PDSS2: variants seen among roughly 807,000 people sequenced by gnomAD.
PDSS2 encodes the protein all trans-polyprenyl-diphosphate synthase PDSS2.
A neutral mutation model predicts 44.5 loss-of-function variants in PDSS2; 31 were observed. The observed-to-expected ratio is 0.70, with a 90% CI of 0.52 to 0.94. PDSS2 has a LOEUF of 0.94. Ranked by LOEUF, PDSS2 falls within the 40% of genes least tolerant of loss-of-function variation. The pLI is 0.00. For synonymous variants in PDSS2, 157 were observed against 180.3 expected (o/e 0.87, Z 1.03); for missense variants, 452 against 482.2 (o/e 0.94, Z 0.59).
At chr6:107,330,197 A>G (rs959887487) in intron 2 of PDSS2, among the ~76,000 whole-genome samples, 2 of 152,178 alleles carry the variant, frequency 1.3e-5, no homozygotes, top group African/African-American at 2.4e-5. Flanking sequence ...CACTTCCCAG[A>G]TCATCTGCTT....
intron 6 of PDSS2, among the ~76,000 whole-genome samples, chr6:107,198,800 TAACAACAACAAC>T (rs35128756): frequency 1.2e-4 from 18 of 149,408 alleles, no homozygotes; most frequent in African/African-American, 3.2e-4. Flanking sequence ...CTACAAACAA[TAACAACAACAAC>T]AACAACAACA....
In PDSS2 at chr6:107,179,404, C is replaced by T. The variant is rs572403798; in HGVS notation, c.1041+14418G>A. On this transcript the variant is annotated intron_variant, in intron 7 of 7. Coordinates refer to ENST00000369037, the MANE Select transcript of PDSS2 (RefSeq NM_020381.4). ...CAAGCGATTCTCCTGCCTCTGCCTC[C>T]TGAATAGCTGGGATTATAGGTGCCC... 1.1e-4 allele frequency among the ~76,000 whole-genome samples: 16 copies of T among 152,142 alleles called. No individual in the cohort carries two copies. The South Asian group carries it at 3.3e-3, about 32-fold the overall frequency.
intron 1 of PDSS2, among the ~76,000 whole-genome samples, chr6:107,391,771 TTAAA>T (rs764923545): frequency 3.9e-5 from 6 of 152,146 alleles, no homozygotes; most frequent in Non-Finnish European, 7.4e-5. Flanking sequence ...CATTCATGTA[TTAAA>T]TAAATATTTA....
chr6:107,268,198 A>T (rs1222865332), intron 3 of PDSS2, among the ~76,000 whole-genome samples: 1 of 152,190 alleles, frequency 6.6e-6, no homozygotes, highest in Non-Finnish European at 1.5e-5. Context: ...CTATATAATT[A>T]AATTCTGGTC....
At chr6:107,216,461 A>G (rs1210463203) in intron 4 of PDSS2, among the ~76,000 whole-genome samples, 2 of 152,210 alleles carry the variant, frequency 1.3e-5, no homozygotes, top group Non-Finnish European at 2.9e-5. Flanking sequence ...CAACAGAGCC[A>G]GACTCCATCT....
At chr6:107,284,209 T>C (rs1165299672) in intron 2 of PDSS2, among the ~76,000 whole-genome samples, 5 of 152,230 alleles carry the variant, frequency 3.3e-5, no homozygotes, top group Admixed American at 3.3e-4. Context: ...CAGAGAATAA[T>C]ATTTACATAA....
chr6:107,383,436 G>C (rs1026526687), intron 1 of PDSS2, among the ~76,000 whole-genome samples: 4 of 150,290 alleles, frequency 2.7e-5, no homozygotes, highest in Non-Finnish European at 4.4e-5. Context: ...GACACAGCAT[G>C]AGAAACAAAA....
intron 6 of PDSS2, among the ~76,000 whole-genome samples, chr6:107,203,444 A>G (rs975516066): frequency 6.6e-6 from 1 of 152,034 alleles, no homozygotes; most frequent in Admixed American, 6.6e-5. Context: ...GTGCTTATCA[A>G]TGGGTTTCCA....
chr6:107,258,934 G>C (rs905587565), intron 3 of PDSS2, among the ~76,000 whole-genome samples: 1 of 152,156 alleles, frequency 6.6e-6, no homozygotes, highest in African/African-American at 2.4e-5. Context: ...TGGCAAAAAT[G>C]TATCATGGTT....
rs1372466134 is a variant in PDSS2 at position 107,181,572 on chromosome 6, GA to G, written c.1041+12249del. On this transcript the variant is annotated intron_variant, in intron 7 of 7. Coordinates refer to ENST00000369037, the MANE Select transcript of PDSS2 (RefSeq NM_020381.4). ...AAGAAAAGAAAAGAAAAAGAAATAA[GA>G]AAAAAAAAAGAAAGAAAAAAAGAAA... is the stretch of plus-strand genomic sequence containing the variant. 2.2e-4 allele frequency among the ~76,000 whole-genome samples: 31 copies of G among 137,780 alleles called. No individual in the cohort carries two copies. The East Asian group carries it at 2.8e-3, about 12-fold the overall frequency. 90.4% of individuals were successfully genotyped at this position (137,780 alleles called of 152,430 possible).
At chr6:107,212,591 C>T (rs945687244) in intron 4 of PDSS2, among the ~76,000 whole-genome samples, 8 of 152,168 alleles carry the variant, frequency 5.3e-5, no homozygotes, top group African/African-American at 1.4e-4. Flanking sequence ...AACTAACTCC[C>T]TTCTATAGTC....
chr6:107,153,273 C>T lies in PDSS2; in HGVS notation c.*1346G>A, dbSNP rs1342187128. The T allele has an allele frequency of 6.6e-6, 1 of 152,592 alleles. No individual in the cohort carries two copies. The highest frequency in any genetic ancestry group is 1.5e-5 in the Non-Finnish European group (1 of 68,036). The allele number at this position is 152,592 out of a possible 1,614,324, so 9.5% of individuals were successfully genotyped here. ...TCTAGATCATTTATGTAAACTCAGC[C>T]TTCTTGTCAACGGTGTTCTCAAATT... On this transcript the variant is annotated 3_prime_UTR_variant, in exon 8 of 8. Transcript: ENST00000369037.
chr6:107,313,115 G>T (rs1777094180), intron 2 of PDSS2, among the ~76,000 whole-genome samples: 1 of 152,132 alleles, frequency 6.6e-6, no homozygotes, highest in Non-Finnish European at 1.5e-5. Context: ...TTTTTTAAAT[G>T]ATTCTCTAGG....
intron 4 of PDSS2, among the ~76,000 whole-genome samples, chr6:107,218,496 C>A (rs1773491915): frequency 2.0e-5 from 3 of 152,194 alleles, no homozygotes; most frequent in Admixed American, 2.0e-4. Context: ...TATATCCTTA[C>A]CTTGCGTTAA....
At chr6:107,383,510 A>G (rs1779517264) in intron 1 of PDSS2, among the ~76,000 whole-genome samples, 1 of 152,060 alleles carries the variant, frequency 6.6e-6, no homozygotes, top group Admixed American at 6.5e-5. Context: ...GACACCATCA[A>G]GAAGGTGAAA....
chr6:107,329,954 C>G (rs1041236002), intron 2 of PDSS2, among the ~76,000 whole-genome samples: 3 of 148,264 alleles, frequency 2.0e-5, no homozygotes, highest in African/African-American at 7.5e-5. Context: ...TGAGCCGAGA[C>G]TGCATCACTT....
At position 107,440,821 on chromosome 6, in the gene PDSS2, C is replaced by T. The variant is rs567700669; in HGVS notation, c.296+18169G>A. ...AGAATGTAAGAAATGCTCTGGAGTGCATAATAATAAACTATAATGAAAGAC... is the reference window on the plus strand; with the variant it reads ...AGAATGTAAGAAATGCTCTGGAGTGTATAATAATAAACTATAATGAAAGAC... On this transcript the variant is annotated intron_variant, in intron 1 of 7. Transcript: ENST00000369037. Among the ~76,000 whole-genome samples the T allele has an allele frequency of 8.5e-5, 13 of 152,242 alleles. No individual in the cohort carries two copies. In the South Asian group the frequency reaches 2.7e-3, roughly 32 times the overall value.
At chr6:107,261,912 T>C (rs71574240) in intron 3 of PDSS2, among the ~76,000 whole-genome samples, 2,265 of 58,994 alleles carry the variant, frequency 0.038, 59 homozygotes, top group African/African-American at 0.093. Context: ...CTTTTCTTTT[T>C]TTTTTTTTTT....
chr6:107,459,429 A>C lies in PDSS2; in HGVS notation c.-144T>G, dbSNP rs1782174906. 3.0e-6 allele frequency: 2 copies of C among 668,716 alleles called. No individual in the cohort carries two copies. The highest frequency in any genetic ancestry group is 3.6e-5 in the African/African-American group (2 of 55,512). The allele number at this position is 668,716 out of a possible 1,614,324, so 41.4% of individuals were successfully genotyped here. ...AGTAAGGTGGCTTCCTGGAGCAGTGACCAGAAACGAACTTTAACTGCTGCT... is the reference window on the plus strand; with the variant it reads ...AGTAAGGTGGCTTCCTGGAGCAGTGCCCAGAAACGAACTTTAACTGCTGCT... On this transcript the variant is annotated 5_prime_UTR_variant, in exon 1 of 8. Transcript: ENST00000369037. This position sits in a 1 kb window ranked among gnomAD's most constrained non-coding sequence, Gnocchi z 4.3.
Sources: gnomAD v4.1 joint callset for allele counts (sites outside exome capture counted in the v4.1 genomes callset) on GRCh38, gnomAD v4.1.1 for gene constraint, Gnocchi (gnomAD v3.1) non-coding constraint, MANE v1.5 for transcripts, NCBI Gene and HGNC (gene_info 2026-07-23, HGNC 2026-07-21) for gene names.